ACOT7: variants seen among roughly 807,000 people sequenced by gnomAD.
The protein encoded by ACOT7 is acyl-CoA thioesterase 7, also known as cytosolic acyl coenzyme A thioester hydrolase.
A neutral mutation model predicts 40.2 loss-of-function variants in ACOT7; 12 were observed. The ratio of observed to expected loss-of-function variants is 0.30; its 90% CI spans 0.19 to 0.48. ACOT7 has a LOEUF of 0.48. Ranked by LOEUF, ACOT7 falls within the 20% of genes least tolerant of loss-of-function variation. The probability of loss-of-function intolerance (pLI) is 0.99; values close to 1 mark genes in which losing one functional copy is unlikely to be tolerated. For missense variants in ACOT7, 395 were observed against 530.8 expected (o/e 0.74, Z 2.51); for synonymous variants, 228 against 219.5 (o/e 1.04, Z -0.34).
intron 6 of ACOT7, among the ~76,000 whole-genome samples, chr1:6,310,004 A>G (rs1246599309): frequency 6.6e-6 from 1 of 152,208 alleles, no homozygotes; most frequent in Non-Finnish European, 1.5e-5. Context: ...AGTTTAGGTT[A>G]GGTGAGGGCT....
chr1:6,301,426 C>T lies in ACOT7; in HGVS notation c.713-6446G>A, dbSNP rs763637118. Among the ~76,000 whole-genome samples, 3 of 152,130 alleles carry T rather than the reference C, an allele frequency of 2.0e-5. No homozygotes were observed. Among genetic ancestry groups the T allele is most frequent in the East Asian group, 1.9e-4 (1 of 5,190 alleles). ...GTCAACCCCGAGGGGAAGATGTGAG[C>T]GGCTATTGAGTGCCTGGTGTGCGAA... On this transcript the variant is annotated intron_variant, in intron 6 of 8. Coordinates refer to ENST00000361521, the MANE Select transcript of ACOT7 (RefSeq NM_007274.4). The surrounding 1 kb of genome is among the most constrained non-coding windows in gnomAD (Gnocchi z 4.1).
At chr1:6,346,853 C>T (rs1455141939) in intron 2 of ACOT7, among the ~76,000 whole-genome samples, 1 of 152,152 alleles carries the variant, frequency 6.6e-6, no homozygotes, top group Non-Finnish European at 1.5e-5. Flanking sequence ...CTCCCAGAGC[C>T]TCATGAGTTT....
intron 5 of ACOT7, among the ~76,000 whole-genome samples, chr1:6,326,450 C>T (rs1351514967): frequency 6.6e-6 from 1 of 152,190 alleles, no homozygotes; most frequent in Non-Finnish European, 1.5e-5. Context: ...GACATGAGAG[C>T]AAGAGGATGG....
intron 6 of ACOT7, among the ~76,000 whole-genome samples, chr1:6,304,317 C>CAAA (rs112875652): frequency 9.0e-6 from 1 of 110,938 alleles, no homozygotes; most frequent in Admixed American, 1.0e-4. Flanking sequence ...AATGTGGCAC[C>CAAA]AAAAAAAAAA....
chr1:6,287,404 G>A (rs1276240753), intron 7 of ACOT7, among the ~76,000 whole-genome samples: 1 of 152,236 alleles, frequency 6.6e-6, no homozygotes, highest in Non-Finnish European at 1.5e-5. Flanking sequence ...CCTCGGAATT[G>A]CAGCTTCCAA....
intron 1 of ACOT7, among the ~76,000 whole-genome samples, chr1:6,380,367 A>G (rs1294226073): frequency 6.6e-6 from 1 of 151,538 alleles, no homozygotes; most frequent in East Asian, 1.9e-4. Flanking sequence ...TGGGAGGCTG[A>G]GGTGGGAGGA....
At chr1:6,304,420 A>C (rs1207032195) in intron 6 of ACOT7, among the ~76,000 whole-genome samples, 13 of 139,024 alleles carry the variant, frequency 9.4e-5, no homozygotes, top group Admixed American at 1.4e-4. Flanking sequence ...TTTAATTGAT[A>C]ATTCTTGGGT....
chr1:6,381,657 A>G (rs1642337319), intron 1 of ACOT7, among the ~76,000 whole-genome samples: 1 of 151,930 alleles, frequency 6.6e-6, no homozygotes, highest in Non-Finnish European at 1.5e-5. Context: ...TAGAATTGCC[A>G]TATGATCCAG....
At chr1:6,345,705 C>T (rs376545862) in intron 2 of ACOT7, among the ~76,000 whole-genome samples, 1 of 152,212 alleles carries the variant, frequency 6.6e-6, no homozygotes, top group Non-Finnish European at 1.5e-5. Context: ...TTCTGGCTGA[C>T]GGCAGCTCTG....
At position 6,282,729 on chromosome 1, in the gene ACOT7, G is replaced by A. The variant is rs1442373046; in HGVS notation, c.830-1443C>T. On this transcript the variant is annotated intron_variant, in intron 7 of 8. Coordinates refer to ENST00000361521, the MANE Select transcript of ACOT7 (RefSeq NM_007274.4). This position sits in a 1 kb window ranked among gnomAD's most constrained non-coding sequence, Gnocchi z 4.5. ...ACATTCAACTTCATACTTACAGGGA[G>A]CACTTCGTGCCAGTGCTGGGAGAGG... 7.7e-7 allele frequency: 1 copy of A among 1,304,132 alleles called. No individual in the cohort carries two copies. Among genetic ancestry groups the A allele is most frequent in the Admixed American group, 2.3e-5 (1 of 43,582 alleles). The allele number at this position is 1,304,132 out of a possible 1,614,324, so 80.8% of individuals were successfully genotyped here.
Position 6,311,152 on chromosome 1 carries a change from C to T in ACOT7, c.712+7340G>A, listed in dbSNP as rs1394054084. 6.6e-6 allele frequency among the ~76,000 whole-genome samples: 1 copy of T among 152,238 alleles called. No individual in the cohort carries two copies. Among genetic ancestry groups the T allele is most frequent in the Admixed American group, 6.5e-5 (1 of 15,282 alleles). ...TGCTCCATCCTGTGCTTCCCAGTAC[C>T]ATGGGAGCTGAGCAAGCTCTCCCGA... On this transcript the variant is annotated intron_variant, in intron 6 of 8. Coordinates refer to ENST00000361521, the MANE Select transcript of ACOT7 (RefSeq NM_007274.4). The surrounding 1 kb of genome is among the most constrained non-coding windows in gnomAD (Gnocchi z 5.2).
Position 6,306,858 on chromosome 1 carries a change from AT to A in ACOT7, c.712+11633del. The stretch of plus-strand genomic sequence containing the variant: ...AAAGAGTAACTGTGCCCTCTTTTGC[AT>A]TTTTCAGTGAAAGTCAACTCCTCCT... On this transcript the variant is annotated intron_variant, in intron 6 of 8. Transcript: ENST00000361521. This position sits in a 1 kb window ranked among gnomAD's most constrained non-coding sequence, Gnocchi z 4.3. The A allele has an allele frequency of 7.8e-7, 1 of 1,289,008 alleles. No homozygotes were observed. The highest frequency in any genetic ancestry group is 1.0e-6 in the Non-Finnish European group (1 of 988,654). 79.8% of individuals were successfully genotyped at this position (1,289,008 alleles called of 1,614,324 possible).
intron 2 of ACOT7, among the ~76,000 whole-genome samples, chr1:6,346,577 G>A (rs760545958): frequency 4.6e-5 from 7 of 152,358 alleles, no homozygotes; most frequent in South Asian, 4.1e-4. Flanking sequence ...ACAGGGACTC[G>A]TGCGGACGTG....
chr1:6,305,369 C>A (rs1232618270), intron 6 of ACOT7, among the ~76,000 whole-genome samples: 1 of 146,104 alleles, frequency 6.8e-6, no homozygotes, highest in Non-Finnish European at 1.5e-5. Context: ...GCTGGCCGGG[C>A]GGGGGGCTGA....
chr1:6,306,581 A>T lies in ACOT7; in HGVS notation c.713-11601T>A, dbSNP rs1251072733. ...AACCTGGAGAACGATGTTTTCAAAC[A>T]CCAAGATCCTAGAAGGCGAGTACTA... On this transcript the variant is annotated intron_variant, in intron 6 of 8. Coordinates refer to ENST00000361521, the MANE Select transcript of ACOT7 (RefSeq NM_007274.4). The surrounding 1 kb of genome is among the most constrained non-coding windows in gnomAD (Gnocchi z 4.3). The T allele has an allele frequency of 5.1e-6, 5 of 985,454 alleles. No individual in the cohort carries two copies. Among genetic ancestry groups the T allele is most frequent in the Non-Finnish European group, 6.0e-6 (5 of 829,934 alleles). The allele number at this position is 985,454 out of a possible 1,614,324, so 61.0% of individuals were successfully genotyped here.
intron 7 of ACOT7, among the ~76,000 whole-genome samples, chr1:6,293,412 C>T (rs903711003): frequency 1.9e-4 from 29 of 152,242 alleles, no homozygotes; most frequent in African/African-American, 5.1e-4. Flanking sequence ...CTGTGGGGGA[C>T]GAGCTAAAAC....
chr1:6,370,967 C>A (rs566532849), intron 1 of ACOT7, among the ~76,000 whole-genome samples: 3 of 151,962 alleles, frequency 2.0e-5, no homozygotes, highest in Non-Finnish European at 4.4e-5. Flanking sequence ...CCTGCCACTG[C>A]GCCTGGCTAA....
At chr1:6,360,729 A>G (rs879125706) in intron 1 of ACOT7, 108 of 1,606,438 alleles carry the variant, frequency 6.7e-5, no homozygotes, top group Non-Finnish European at 8.6e-5. Flanking sequence ...CTGGGCCCCA[A>G]TACTGTGCCC....
rs1397854931 is a variant in ACOT7 at position 6,393,118 on chromosome 1, G to A, written c.143+139C>T. On this transcript the variant is annotated intron_variant, in intron 1 of 8. Coordinates refer to ENST00000361521, the MANE Select transcript of ACOT7 (RefSeq NM_007274.4). ...TCCCGGCCGGGCGGGCGTCCGGGGC[G>A]GCGGCGCGGAAGGCCGTGCGGGGAA... is the stretch of plus-strand genomic sequence containing the variant. The A allele has an allele frequency of 1.1e-5, 11 of 994,046 alleles. No homozygotes were observed. The East Asian group carries it at 5.0e-4, about 45-fold the overall frequency. 61.6% of individuals were successfully genotyped at this position (994,046 alleles called of 1,614,324 possible).
Sources: gnomAD v4.1 joint callset for allele counts (sites outside exome capture counted in the v4.1 genomes callset) on GRCh38, gnomAD v4.1.1 for gene constraint, Gnocchi (gnomAD v3.1) non-coding constraint, MANE v1.5 for transcripts, NCBI Gene and HGNC (gene_info 2026-07-23, HGNC 2026-07-21) for gene names.